The following ULK4 variants were observed in gnomAD, a reference collection of about 807,000 sequenced individuals.
ULK4 encodes the protein inactive serine/threonine-protein kinase ULK4.
In ULK4, 133 loss-of-function variants were observed where a neutral mutation model predicts 160.6. The ratio of observed to expected loss-of-function variants is 0.83; its 90% CI spans 0.72 to 0.96. The LOEUF is 0.96. Among genes scored for constraint, ULK4 ranks in the 40% least tolerant of loss-of-function variants. ULK4 has a pLI of 0.00. For synonymous variants in ULK4, 534 were observed against 539.8 expected (o/e 0.99, Z 0.15); for missense variants, 1,580 against 1,499.5 (o/e 1.05, Z -0.89).
intron 31 of ULK4, among the ~76,000 whole-genome samples, chr3:41,605,633 T>G (rs971813867): frequency 1.1e-4 from 17 of 151,814 alleles, no homozygotes; most frequent in African/African-American, 4.1e-4. Flanking sequence ...GGGGAAATAG[T>G]CAAAACCACA....
intron 32 of ULK4, among the ~76,000 whole-genome samples, chr3:41,514,287 T>C (rs1302166054): frequency 6.6e-6 from 1 of 152,154 alleles, no homozygotes; most frequent in Non-Finnish European, 1.5e-5. Context: ...GATTTTAACA[T>C]AAAAAGTAAT....
At chr3:41,733,585 AAC>A (rs1326975526) in intron 22 of ULK4, among the ~76,000 whole-genome samples, 1 of 152,104 alleles carries the variant, frequency 6.6e-6, no homozygotes, top group Non-Finnish European at 1.5e-5. Flanking sequence ...AAAAGAGGTA[AAC>A]AGTCATCTAT....
intron 12 of ULK4, among the ~76,000 whole-genome samples, chr3:41,905,454 A>C (rs1254520246): frequency 1.3e-5 from 2 of 152,238 alleles, no homozygotes; most frequent in Non-Finnish European, 2.9e-5. Context: ...TTACACCAAA[A>C]GCACAAGCAG....
intron 31 of ULK4, among the ~76,000 whole-genome samples, chr3:41,597,527 A>T (rs2031775680): frequency 6.6e-6 from 1 of 152,168 alleles, no homozygotes. Context: ...CACCTATAGA[A>T]TCAAGTCCCT....
chr3:41,616,085 A>G (rs1475272403), intron 30 of ULK4, among the ~76,000 whole-genome samples: 1 of 152,188 alleles, frequency 6.6e-6, no homozygotes, highest in East Asian at 1.9e-4. Context: ...ACACACTGTA[A>G]TTTTTTATAT....
At chr3:41,408,079 C>T (rs1559577913) in intron 34 of ULK4, among the ~76,000 whole-genome samples, 1 of 151,794 alleles carries the variant, frequency 6.6e-6, no homozygotes, top group Non-Finnish European at 1.5e-5. Flanking sequence ...AAAATAATTT[C>T]ATTTATAATA....
At chr3:41,261,038 G>A (rs761636293) in intron 35 of ULK4, among the ~76,000 whole-genome samples, 6 of 152,176 alleles carry the variant, frequency 3.9e-5, no homozygotes, top group Non-Finnish European at 8.8e-5. Context: ...CAAGGGCAGC[G>A]ATGAGTCTCC....
At chr3:41,247,044 TG>T (rs1481895380) in intron 36 of ULK4, 52 bp from the exon 37 acceptor site, 1 of 1,563,638 alleles carries the variant, frequency 6.4e-7, no homozygotes, top group East Asian at 2.3e-5. Flanking sequence ...TAAGGTAAAG[TG>T]CTCCCCCCTT....
intron 27 of ULK4, among the ~76,000 whole-genome samples, chr3:41,684,056 T>A (rs1482700503): frequency 1.3e-5 from 2 of 152,198 alleles, no homozygotes; most frequent in Non-Finnish European, 2.9e-5. Context: ...TTGGATGACT[T>A]CTTGCAAAGA....
intron 35 of ULK4, among the ~76,000 whole-genome samples, chr3:41,339,980 A>G (rs965734971): frequency 1.3e-5 from 2 of 152,230 alleles, no homozygotes; most frequent in Non-Finnish European, 2.9e-5. Context: ...AAATCAGCAT[A>G]ATATTAACCA....
intron 33 of ULK4, among the ~76,000 whole-genome samples, chr3:41,460,259 A>C (rs934837975): frequency 2.0e-5 from 3 of 152,232 alleles, no homozygotes; most frequent in Middle Eastern, 6.8e-3. Context: ...TCCCCATACC[A>C]CCTCAGAAAG....
intron 17 of ULK4, among the ~76,000 whole-genome samples, chr3:41,837,008 A>G (rs150811510): frequency 1.5e-3 from 227 of 152,362 alleles, no homozygotes; most frequent in Admixed American, 3.9e-3. Flanking sequence ...AGTGTGGTGC[A>G]CAGACAAGAC....
In ULK4 at chr3:41,727,547, A is replaced by G. The variant is rs1342711712; in HGVS notation, c.2322-9686T>C. On this transcript the variant is annotated intron_variant, in intron 22 of 36. Transcript: ENST00000301831. ...TGCAATGTGGACAAAACATTCCAGA[A>G]AACTGTTAAGCCACATGCAACATCC... Among the ~76,000 whole-genome samples the G allele has an allele frequency of 5.9e-5, 9 of 152,328 alleles. No homozygotes were observed. In the East Asian group the frequency reaches 9.7e-4, roughly 16 times the overall value.
Position 41,771,798 on chromosome 3 carries a change from C to T in ULK4, c.2194-17310G>A, listed in dbSNP as rs75043234. On this transcript the variant is annotated intron_variant, in intron 21 of 36. Coordinates refer to ENST00000301831, the MANE Select transcript of ULK4 (RefSeq NM_017886.4). ...TAGCAACTCAAGTACATATATAATA[C>T]CAATCCTTTTATTTAAATTATGGAA... Among the ~76,000 whole-genome samples, 1,110 of 152,204 alleles carry T rather than the reference C, an allele frequency of 7.3e-3. 14 individuals carry two copies. The highest frequency in any genetic ancestry group is 0.025 in the African/African-American group (1,053 of 41,530).
chr3:41,411,420 C>CTTTTTTT (rs556696303), intron 34 of ULK4, among the ~76,000 whole-genome samples: 12 of 143,054 alleles, frequency 8.4e-5, no homozygotes, highest in African/African-American at 1.5e-4. Context: ...ACATTCCTTT[C>CTTTTTTT]TTTTTTTTTT....
chr3:41,473,982 A>C (rs2084066909), intron 32 of ULK4, among the ~76,000 whole-genome samples: 1 of 152,206 alleles, frequency 6.6e-6, no homozygotes, highest in Non-Finnish European at 1.5e-5. Context: ...TTTCATAAAA[A>C]TAGGCAAAAC....
At chr3:41,265,441 GCTCT>G (rs1354161791) in intron 35 of ULK4, among the ~76,000 whole-genome samples, 1 of 152,198 alleles carries the variant, frequency 6.6e-6, no homozygotes, top group African/African-American at 2.4e-5. Flanking sequence ...TACTTCTGTG[GCTCT>G]CTAATGAAAC....
intron 34 of ULK4, among the ~76,000 whole-genome samples, chr3:41,424,999 G>A (rs2125840587): frequency 6.6e-6 from 1 of 152,188 alleles, no homozygotes; most frequent in South Asian, 2.1e-4. Context: ...AAACTTCACT[G>A]AGCTAAAGGA....
At chr3:41,710,291 T>C (rs1575594168) in intron 25 of ULK4, among the ~76,000 whole-genome samples, 1 of 152,168 alleles carries the variant, frequency 6.6e-6, no homozygotes, top group East Asian at 1.9e-4. Context: ...CTTCTCATTC[T>C]CAGTGTAATA....
Sources: gnomAD v4.1 joint callset for allele counts (sites outside exome capture counted in the v4.1 genomes callset) on GRCh38, gnomAD v4.1.1 for gene constraint, MANE v1.5 for transcripts, NCBI Gene and HGNC (gene_info 2026-07-23, HGNC 2026-07-21) for gene names.